The following LIMK1 variants were observed in gnomAD, a reference collection of about 807,000 sequenced individuals.
LIMK1 encodes LIM domain kinase 1.
Under a neutral mutation model 77.6 loss-of-function variants are expected in LIMK1, and 21 were observed. The ratio of observed to expected loss-of-function variants is 0.27; its 90% CI spans 0.19 to 0.39. LIMK1 has a LOEUF of 0.39. LIMK1 is among the 10% of genes least tolerant of loss of function. The probability of loss-of-function intolerance (pLI) is 1.00; values close to 1 mark genes in which losing one functional copy is unlikely to be tolerated. For missense variants in LIMK1, 696 were observed against 901.6 expected, an observed-to-expected ratio of 0.77 and a Z score of 2.92; for synonymous variants, 358 against 370.0, an observed-to-expected ratio of 0.97 and a Z score of 0.37.
intron 2 of LIMK1, among the ~76,000 whole-genome samples, chr7:74,089,793 C>T (rs782516984): frequency 6.6e-6 from 1 of 151,980 alleles, no homozygotes; most frequent in Non-Finnish European, 1.5e-5. Context: ...ACGGCCGCCT[C>T]GGAGCTGGCC....
intron 2 of LIMK1, chr7:74,093,979 C>G (rs1334225717): frequency 6.6e-6 from 1 of 152,346 alleles, no homozygotes. Flanking sequence ...CACTGAGGCC[C>G]CGAGCCCCAG....
intron 13 of LIMK1, among the ~76,000 whole-genome samples, chr7:74,118,269 C>CG (rs1563925508): frequency 1.3e-5 from 2 of 149,418 alleles, no homozygotes. Flanking sequence ...CCCAGCTACC[C>CG]GGGAGGCTGA....
In LIMK1 at chr7:74,115,798, C is replaced by A; in HGVS notation, c.1411-4C>A. On this transcript the variant is annotated splice_region_variant and splice_polypyrimidine_tract_variant and intron_variant, in intron 12 of 15. Coordinates refer to ENST00000336180, the MANE Select transcript of LIMK1 (RefSeq NM_002314.4). ...CCCAGCATGACCCGGCTTCACCTTC[C>A]CAGAACAAGAATGTGGTGGTGGCTG... 1 of 1,613,642 alleles carries A rather than the reference C, an allele frequency of 6.2e-7. No individual in the cohort carries two copies. The highest frequency in any genetic ancestry group is 1.1e-5 in the South Asian group (1 of 91,046).
At chr7:74,098,857 C>T (rs1396585614) in intron 4 of LIMK1, among the ~76,000 whole-genome samples, 175 bp from the exon 5 acceptor site, 3 of 143,006 alleles carry the variant, frequency 2.1e-5, no homozygotes, top group Non-Finnish European at 4.5e-5. Flanking sequence ...CAGAGTCTTG[C>T]TTTGTCACCC....
At chr7:74,109,211 A>G (rs1799647805) in intron 10 of LIMK1, 175 bp downstream of exon 10, 1 of 612,542 alleles carries the variant, frequency 1.6e-6, no homozygotes, top group Non-Finnish European at 3.0e-6. Flanking sequence ...AAAGCTAGGA[A>G]AGGCCAGGTA....
chr7:74,116,366 A>G (rs1165598788), intron 13 of LIMK1, among the ~76,000 whole-genome samples: 1 of 152,180 alleles, frequency 6.6e-6, no homozygotes, highest in Non-Finnish European at 1.5e-5. Context: ...GTGAGCCGAG[A>G]TCGCGCCATT....
intron 5 of LIMK1, 101 bp downstream of exon 5, chr7:74,099,339 G>A (rs982615750): frequency 8.3e-7 from 1 of 1,200,172 alleles, no homozygotes; most frequent in Non-Finnish European, 1.2e-6. Flanking sequence ...ATGGGCGAGT[G>A]TTTGGGTACA....
intron 4 of LIMK1, among the ~76,000 whole-genome samples, chr7:74,098,342 T>C (rs1236908022): frequency 6.6e-6 from 1 of 152,162 alleles, no homozygotes; most frequent in African/African-American, 2.4e-5. Context: ...GATTCTTTCT[T>C]ATACAACACT....
intron 1 of LIMK1, among the ~76,000 whole-genome samples, chr7:74,084,540 C>G (rs934134350): frequency 4.6e-5 from 7 of 152,132 alleles, no homozygotes; most frequent in Admixed American, 1.3e-4. Context: ...AGTTGCCCCC[C>G]CGGTGTCGGT....
chr7:74,121,898 C>G lies in LIMK1; in HGVS notation c.*597C>G, dbSNP rs1554700740. On this transcript the variant is annotated 3_prime_UTR_variant, in exon 16 of 16. Transcript: ENST00000336180. ...GCTGATCCCATGGGGCGGAGGTCCCCAGTGGCTGAGCAAACAGCCCCTTCT... is the reference window on the plus strand; with the variant it reads ...GCTGATCCCATGGGGCGGAGGTCCCGAGTGGCTGAGCAAACAGCCCCTTCT... 6.5e-6 allele frequency: 1 copy of G among 152,882 alleles called. No individual in the cohort carries two copies. Among genetic ancestry groups the G allele is most frequent in the Non-Finnish European group, 1.5e-5 (1 of 68,202 alleles). The allele number at this position is 152,882 out of a possible 1,614,324, so 9.5% of individuals were successfully genotyped here.
At chr7:74,092,726 G>T (rs577824938) in intron 2 of LIMK1, among the ~76,000 whole-genome samples, 1 of 152,356 alleles carries the variant, frequency 6.6e-6, no homozygotes, top group East Asian at 1.9e-4. Flanking sequence ...GGAGGGCTGA[G>T]CATGCTGCTG....
intron 10 of LIMK1, chr7:74,111,268 C>G (rs553298807): frequency 4.6e-6 from 1 of 218,152 alleles, no homozygotes; most frequent in Non-Finnish European, 9.4e-6. Flanking sequence ...GAAACCCCGT[C>G]TCTACTAAAA....
At position 74,105,952 on chromosome 7, in the gene LIMK1, C is replaced by T. The variant is rs782413398; in HGVS notation, c.686C>T (p.Thr229Met). 8 of 1,614,012 alleles carry T rather than the reference C, an allele frequency of 5.0e-6. No homozygotes were observed. The highest frequency in any genetic ancestry group is 3.3e-5 in the Admixed American group (2 of 59,986). Reference sequence around the variant, plus strand: ...GACCGGATCTTGGAAATCAATGGCACGCCCATCCGAAATGTGCCCCTGGAC... The same window carrying T: ...GACCGGATCTTGGAAATCAATGGCATGCCCATCCGAAATGTGCCCCTGGAC... ...VGDRILEING[T>M]PIRNVPLDEI... The change falls in exon 6 of 16, where the codon ACG (threonine) becomes ATG (methionine). Residue 229 changes from threonine to methionine, a missense_variant. This residue lies in a region of LIMK1 where 438 missense variants were observed against 602.3 expected (regional missense o/e 0.73). Coordinates refer to ENST00000336180, the MANE Select transcript of LIMK1 (RefSeq NM_002314.4).
rs782648759 is a variant in LIMK1, at chr7:74,120,586, G to A, written c.1571G>A (p.Arg524His). 17 of 1,614,082 alleles carry A rather than the reference G, an allele frequency of 1.1e-5. No individual in the cohort carries two copies. The highest frequency in any genetic ancestry group is 1.6e-4 in the Middle Eastern group (1 of 6,084). Residue 524 changes from arginine (R) to histidine (H), a missense_variant, in exon 14 of 16, where the codon CGC (arginine) becomes CAC (histidine). By Grantham distance (29) the Arg-to-His change is conservative. Coordinates refer to ENST00000336180, the MANE Select transcript of LIMK1 (RefSeq NM_002314.4). ...GACAGTCGGTCTCTTTATCCAGGCCGCAGCTATGATGAGAAGGTGGATGTG... is the reference window on the plus strand; with the variant it reads ...GACAGTCGGTCTCTTTATCCAGGCCACAGCTATGATGAGAAGGTGGATGTG... ...YWMAPEMING[R>H]SYDEKVDVFS...
chr7:74,106,456 AT>A (rs1799576514), intron 7 of LIMK1, among the ~76,000 whole-genome samples: 1 of 152,072 alleles, frequency 6.6e-6, no homozygotes, highest in Non-Finnish European at 1.5e-5. Context: ...GGAAACACAC[AT>A]TTTTTAAAAA....
At position 74,083,980 on chromosome 7, in the gene LIMK1, C is replaced by G. The variant is rs782470899; in HGVS notation, c.-11C>G. ...CCCCAGCCCCGCCGGGCCCCGCCCC[C>G]CGTCGAGTGCATGAGGTTGACGCTA... On this transcript the variant is annotated 5_prime_UTR_variant, in exon 1 of 16. Coordinates refer to ENST00000336180, the MANE Select transcript of LIMK1 (RefSeq NM_002314.4). 8.9e-6 allele frequency: 12 copies of G among 1,349,698 alleles called. No individual in the cohort carries two copies. In the African/African-American group the frequency reaches 9.0e-5, roughly 10 times the overall value. The allele number at this position is 1,349,698 out of a possible 1,614,324, so 83.6% of individuals were successfully genotyped here.
At chr7:74,105,753 C>G (rs1040021285) in intron 5 of LIMK1, 122 bp from the exon 6 acceptor site, 9 of 646,548 alleles carry the variant, frequency 1.4e-5, no homozygotes, top group Admixed American at 2.6e-5. Context: ...TCTGCTACTT[C>G]CCAGTCACAC....
At chr7:74,095,772 T>G (rs1225964491) in intron 2 of LIMK1, among the ~76,000 whole-genome samples, 1 of 151,932 alleles carries the variant, frequency 6.6e-6, no homozygotes, top group Non-Finnish European at 1.5e-5. Flanking sequence ...CCCACCGGGA[T>G]GCTTGGCTGG....
At chr7:74,095,119 A>C (rs1554695388) in intron 2 of LIMK1, among the ~76,000 whole-genome samples, 1 of 152,156 alleles carries the variant, frequency 6.6e-6, no homozygotes, top group Admixed American at 6.5e-5. Flanking sequence ...ATACCCATGC[A>C]GGCCCCAGGC....
Sources: gnomAD v4.1 joint callset for allele counts (sites outside exome capture counted in the v4.1 genomes callset) on GRCh38, gnomAD v4.1.1 for gene constraint, gnomAD v4.1.1 regional missense constraint, MANE v1.5 for transcripts, NCBI Gene and HGNC (gene_info 2026-07-23, HGNC 2026-07-21) for gene names.